The following TAFA1 variants were observed in gnomAD, a reference collection of about 807,000 sequenced individuals.
The protein encoded by TAFA1 is chemokine-like protein TAFA-1.
Under a neutral mutation model 18.5 loss-of-function variants are expected in TAFA1, and 4 were observed. That is an observed-to-expected ratio of 0.22 (90% CI 0.11 to 0.49). The LOEUF (loss-of-function observed/expected upper bound fraction) is 0.49. TAFA1 is among the 20% of genes least tolerant of loss of function. TAFA1 has a pLI of 0.98. For synonymous variants in TAFA1, 56 were observed against 55.2 expected, an observed-to-expected ratio of 1.01 and a Z score of -0.06; for missense variants, 147 against 169.0, an observed-to-expected ratio of 0.87 and a Z score of 0.72.
chr3:68,299,106 G>A (rs1401348069), intron 2 of TAFA1, among the ~76,000 whole-genome samples: 1 of 152,210 alleles, frequency 6.6e-6, no homozygotes, highest in Non-Finnish European at 1.5e-5. Flanking sequence ...GGTGGTCTCA[G>A]ATGGGGATGA....
intron 2 of TAFA1, among the ~76,000 whole-genome samples, chr3:68,221,542 A>G (rs2107093401): frequency 6.6e-6 from 1 of 152,240 alleles, no homozygotes; most frequent in South Asian, 2.1e-4. Context: ...CTTTCTCCCA[A>G]TATTGTTTCT....
intron 2 of TAFA1, among the ~76,000 whole-genome samples, chr3:68,213,070 A>G (rs1008633712): frequency 4.6e-5 from 7 of 151,732 alleles, no homozygotes; most frequent in African/African-American, 1.5e-4. Context: ...TAACACAGGT[A>G]GTGAGGTTAT....
intron 2 of TAFA1, among the ~76,000 whole-genome samples, chr3:68,256,921 G>A (rs1033741230): frequency 6.6e-6 from 1 of 152,056 alleles, no homozygotes; most frequent in Admixed American, 6.6e-5. Flanking sequence ...CCACACGGCA[G>A]CCAATATCAT....
chr3:68,526,500 A>T (rs2073112993), intron 3 of TAFA1, among the ~76,000 whole-genome samples: 1 of 152,192 alleles, frequency 6.6e-6, no homozygotes, highest in Non-Finnish European at 1.5e-5. Context: ...AATATTTGAG[A>T]TCAACTGCAC....
At chr3:68,008,484 T>G (rs113110018) in intron 2 of TAFA1, among the ~76,000 whole-genome samples, 19 of 152,222 alleles carry the variant, frequency 1.2e-4, no homozygotes, top group African/African-American at 4.1e-4. Flanking sequence ...AGTTTAATCC[T>G]TATGCAAGTG....
intron 2 of TAFA1, chr3:68,145,353 C>G: frequency 1.2e-6 from 1 of 809,782 alleles, no homozygotes; most frequent in Non-Finnish European, 2.2e-6. Context: ...AGGAGACGCA[C>G]CTTTGCCCTG....
At chr3:68,005,884 G>A (rs183877018) in intron 1 of TAFA1, among the ~76,000 whole-genome samples, 3 of 152,266 alleles carry the variant, frequency 2.0e-5, no homozygotes, top group East Asian at 3.9e-4. Flanking sequence ...TTCAGCACCC[G>A]AGAAAAGGTA....
At chr3:68,501,593 A>G (rs1443827722) in intron 3 of TAFA1, among the ~76,000 whole-genome samples, 1 of 152,160 alleles carries the variant, frequency 6.6e-6, no homozygotes, top group Non-Finnish European at 1.5e-5. Flanking sequence ...GAATATCTAA[A>G]CACTGTGCTA....
At chr3:68,461,149 A>G (rs1488697157) in intron 3 of TAFA1, among the ~76,000 whole-genome samples, 2 of 151,620 alleles carry the variant, frequency 1.3e-5, no homozygotes, top group Non-Finnish European at 2.9e-5. Flanking sequence ...GGGCGTTGTG[A>G]TGCATGTTTG....
intron 3 of TAFA1, among the ~76,000 whole-genome samples, chr3:68,474,098 A>G (rs1337235187): frequency 1.4e-5 from 2 of 146,064 alleles, no homozygotes; most frequent in East Asian, 4.1e-4. Context: ...CTTCTTGACT[A>G]CAGTTTAACT....
intron 2 of TAFA1, among the ~76,000 whole-genome samples, chr3:68,368,446 G>A (rs748994323): frequency 4.6e-5 from 7 of 152,034 alleles, no homozygotes; most frequent in Admixed American, 1.3e-4. Context: ...ATTTCTGATG[G>A]GCCTTGAAGC....
chr3:68,140,855 A>G (rs938442388), intron 2 of TAFA1, among the ~76,000 whole-genome samples: 1 of 152,180 alleles, frequency 6.6e-6, no homozygotes, highest in African/African-American at 2.4e-5. Context: ...AAATCTTGGC[A>G]TTTAGCCCCT....
At chr3:68,525,440 T>G (rs1359620828) in intron 3 of TAFA1, among the ~76,000 whole-genome samples, 1 of 152,188 alleles carries the variant, frequency 6.6e-6, no homozygotes, top group African/African-American at 2.4e-5. Flanking sequence ...ATAGAGCAGG[T>G]GGTCTATAAA....
chr3:68,144,185 C>T (rs1239868167), intron 2 of TAFA1, among the ~76,000 whole-genome samples: 1 of 152,148 alleles, frequency 6.6e-6, no homozygotes, highest in Non-Finnish European at 1.5e-5. Flanking sequence ...TCTTGGAAGG[C>T]ATTTTCTAAA....
At chr3:68,459,046 C>A (rs911209757) in intron 3 of TAFA1, among the ~76,000 whole-genome samples, 1 of 152,140 alleles carries the variant, frequency 6.6e-6, no homozygotes, top group African/African-American at 2.4e-5. Flanking sequence ...GTTCTCACAG[C>A]GAGAATTCTT....
At chr3:68,098,823 C>G (rs2065116475) in intron 2 of TAFA1, among the ~76,000 whole-genome samples, 1 of 152,042 alleles carries the variant, frequency 6.6e-6, no homozygotes, top group Non-Finnish European at 1.5e-5. Flanking sequence ...ACCAATGGAA[C>G]AGAATACAGA....
chr3:68,502,714 C>G (rs576563480), intron 3 of TAFA1, among the ~76,000 whole-genome samples: 3 of 152,212 alleles, frequency 2.0e-5, no homozygotes, highest in Non-Finnish European at 2.9e-5. Context: ...CCAAGTAAAA[C>G]AGCTCCTTCT....
intron 2 of TAFA1, among the ~76,000 whole-genome samples, chr3:68,029,249 C>T (rs916349958): frequency 6.6e-6 from 1 of 152,082 alleles, no homozygotes; most frequent in East Asian, 1.9e-4. Context: ...GCTATCAGCC[C>T]ACTACAATTA....
At chr3:68,176,416 A>T (rs1174617052) in intron 2 of TAFA1, among the ~76,000 whole-genome samples, 1 of 152,170 alleles carries the variant, frequency 6.6e-6, no homozygotes, top group East Asian at 1.9e-4. Flanking sequence ...CAGGAGTTCC[A>T]CCTCACAGTG....
Sources: allele counts gnomAD v4.1 joint callset (sites outside exome capture counted in the v4.1 genomes callset), GRCh38; gene constraint gnomAD v4.1.1; transcripts MANE v1.5; gene names NCBI Gene and HGNC (gene_info 2026-07-23, HGNC 2026-07-21).